The following NDUFS4 variants were observed in gnomAD, a reference collection of about 807,000 sequenced individuals.
NDUFS4 encodes NADH dehydrogenase [ubiquinone] iron-sulfur protein 4, mitochondrial.
Under a neutral mutation model 24.3 loss-of-function variants are expected in NDUFS4, and 28 were observed. The observed-to-expected ratio is 1.15, with a 90% CI of 0.85 to 1.58. The LOEUF is 1.58. Among genes scored for constraint, NDUFS4 ranks in the 40% most tolerant of loss-of-function variants. The pLI is 0.00. For synonymous variants in NDUFS4, 93 were observed against 69.7 expected (o/e 1.34, Z -1.67); for missense variants, 223 against 207.9 (o/e 1.07, Z -0.45).
chr5:53,651,014 A>C (rs1317189774), intron 3 of NDUFS4, among the ~76,000 whole-genome samples: 1 of 152,178 alleles, frequency 6.6e-6, no homozygotes, highest in Non-Finnish European at 1.5e-5. Flanking sequence ...TTGGGAGGTA[A>C]AGTTCTTTTT....
chr5:53,580,954 C>T (rs1175850410), intron 1 of NDUFS4, among the ~76,000 whole-genome samples: 1 of 152,118 alleles, frequency 6.6e-6, no homozygotes, highest in East Asian at 1.9e-4. Flanking sequence ...CTGCCCCAGC[C>T]TCCCAAGTAG....
chr5:53,619,393 G>C (rs1245040908), intron 2 of NDUFS4, among the ~76,000 whole-genome samples: 1 of 142,678 alleles, frequency 7.0e-6, no homozygotes, highest in Non-Finnish European at 1.5e-5. Context: ...GGGAGGCTGA[G>C]GCAGAATCGC....
chr5:53,615,954 AT>A (rs1469019822), intron 2 of NDUFS4, among the ~76,000 whole-genome samples: 1 of 152,122 alleles, frequency 6.6e-6, no homozygotes, highest in Non-Finnish European at 1.5e-5. Flanking sequence ...ATTAAAGATA[AT>A]TTTTAAACCT....
At chr5:53,579,044 G>T (rs764991536) in intron 1 of NDUFS4, among the ~76,000 whole-genome samples, 10 of 152,122 alleles carry the variant, frequency 6.6e-5, no homozygotes, top group Non-Finnish European at 1.3e-4. Flanking sequence ...GGTCAGCAGT[G>T]ACCCTGTTGC....
At chr5:53,574,468 A>C (rs1376510256) in intron 1 of NDUFS4, among the ~76,000 whole-genome samples, 1 of 152,204 alleles carries the variant, frequency 6.6e-6, no homozygotes, top group Admixed American at 6.5e-5. Flanking sequence ...GTTTCCTAAT[A>C]CTTTGTTGAA....
intron 4 of NDUFS4, among the ~76,000 whole-genome samples, chr5:53,664,199 A>C (rs1047538857): frequency 2.6e-5 from 4 of 152,182 alleles, no homozygotes; most frequent in Non-Finnish European, 5.9e-5. Flanking sequence ...CCAAGAGATC[A>C]GCTGTTAGTC....
intron 1 of NDUFS4, among the ~76,000 whole-genome samples, chr5:53,589,868 A>G (rs538591914): frequency 6.6e-6 from 1 of 152,258 alleles, no homozygotes; most frequent in Admixed American, 6.5e-5. Context: ...CCTGCCCTTG[A>G]ACATCAGACT....
intron 1 of NDUFS4, among the ~76,000 whole-genome samples, chr5:53,575,318 A>G (rs956018589): frequency 1.5e-4 from 23 of 152,036 alleles, no homozygotes; most frequent in African/African-American, 5.6e-4. Flanking sequence ...CAGAGCCTTC[A>G]AACAGCTGCT....
chr5:53,599,492 G>A (rs1750243683), intron 1 of NDUFS4, among the ~76,000 whole-genome samples: 1 of 152,046 alleles, frequency 6.6e-6, no homozygotes, highest in Non-Finnish European at 1.5e-5. Context: ...GATTTGCATT[G>A]CTCTAATTAG....
chr5:53,605,672 A>C (rs1013232194), intron 2 of NDUFS4, among the ~76,000 whole-genome samples: 4 of 152,154 alleles, frequency 2.6e-5, no homozygotes, highest in African/African-American at 9.7e-5. Context: ...AAGTACCAAA[A>C]TCCGTGGATG....
intron 1 of NDUFS4, among the ~76,000 whole-genome samples, chr5:53,583,460 T>G (rs1365649392): frequency 1.3e-5 from 2 of 152,206 alleles, no homozygotes; most frequent in African/African-American, 4.8e-5. Context: ...TAACTTCCAA[T>G]TGTAATTTTT....
intron 1 of NDUFS4, among the ~76,000 whole-genome samples, chr5:53,598,470 C>T (rs1022558852): frequency 3.9e-5 from 6 of 152,110 alleles, no homozygotes; most frequent in Admixed American, 2.0e-4. Context: ...GTAGAACTAT[C>T]GTCAGTTCCA....
intron 4 of NDUFS4, among the ~76,000 whole-genome samples, chr5:53,681,503 A>C (rs1164253293): frequency 1.3e-5 from 2 of 152,118 alleles, no homozygotes; most frequent in Non-Finnish European, 2.9e-5. Flanking sequence ...CCCTTTAGTA[A>C]ATTTTTTGAA....
chr5:53,629,542 G>T (rs1186707634), intron 2 of NDUFS4, among the ~76,000 whole-genome samples: 1 of 152,160 alleles, frequency 6.6e-6, no homozygotes, highest in Non-Finnish European at 1.5e-5. Flanking sequence ...CTAAGAACTT[G>T]CTTTATGAAT....
intron 3 of NDUFS4, among the ~76,000 whole-genome samples, chr5:53,648,638 T>A (rs1158132268): frequency 1.3e-5 from 2 of 152,204 alleles, no homozygotes; most frequent in Non-Finnish European, 2.9e-5. Context: ...GGTGCTTTTG[T>A]ATCCTTAAAA....
chr5:53,680,687 G>A (rs1160724055), intron 4 of NDUFS4, among the ~76,000 whole-genome samples: 1 of 151,630 alleles, frequency 6.6e-6, no homozygotes, highest in East Asian at 1.9e-4. Flanking sequence ...ACATTCTGGG[G>A]ACTGTTGTGG....
intron 2 of NDUFS4, among the ~76,000 whole-genome samples, chr5:53,624,527 G>A (rs535674041): frequency 1.5e-4 from 23 of 152,246 alleles, no homozygotes; most frequent in Middle Eastern, 3.4e-3. Context: ...GTGTTTTGCG[G>A]TTTTCAGTGT....
intron 4 of NDUFS4, among the ~76,000 whole-genome samples, chr5:53,663,116 A>T (rs554570877): frequency 6.6e-6 from 1 of 152,106 alleles, no homozygotes; most frequent in South Asian, 2.1e-4. Flanking sequence ...TTCAGTTTCC[A>T]TGTAGTTGAG....
intron 1 of NDUFS4, among the ~76,000 whole-genome samples, chr5:53,602,999 A>C (rs927595905): frequency 3.3e-5 from 5 of 152,182 alleles, no homozygotes; most frequent in African/African-American, 4.8e-5. Context: ...ATTCCTATGT[A>C]AAATACTTTT....
Sources: gnomAD v4.1 joint callset for allele counts (sites outside exome capture counted in the v4.1 genomes callset) on GRCh38, gnomAD v4.1.1 for gene constraint, MANE v1.5 for transcripts, NCBI Gene and HGNC (gene_info 2026-07-23, HGNC 2026-07-21) for gene names.